The following RASAL1 variants were observed in gnomAD, a reference collection of about 807,000 sequenced individuals.
The protein encoded by RASAL1 is rasGAP-activating-like protein 1.
A neutral mutation model predicts 96.6 loss-of-function variants in RASAL1; 72 were observed. The ratio of observed to expected loss-of-function variants is 0.75; its 90% CI spans 0.62 to 0.91. RASAL1 has a LOEUF of 0.91. RASAL1 is among the 40% of genes least tolerant of loss of function. The probability of loss-of-function intolerance (pLI) is 0.00; values close to 1 mark genes in which losing one functional copy is unlikely to be tolerated. For missense variants in RASAL1, 1,016 were observed against 1,072.5 expected (o/e 0.95, Z 0.74); for synonymous variants, 405 against 430.4 (o/e 0.94, Z 0.73).
At chr12:113,124,105 C>G (rs1018212555) in intron 4 of RASAL1, among the ~76,000 whole-genome samples, 2 of 151,778 alleles carry the variant, frequency 1.3e-5, no homozygotes, top group African/African-American at 4.8e-5. Flanking sequence ...GCAATCCCAG[C>G]TACTCCAGAG....
intron 7 of RASAL1, among the ~76,000 whole-genome samples, chr12:113,117,365 G>A (rs1204070941): frequency 2.0e-5 from 3 of 152,210 alleles, no homozygotes; most frequent in African/African-American, 7.2e-5. Context: ...GCCTACCAGG[G>A]ACACTTAATT....
rs200909206 is a variant in RASAL1 at position 113,121,530 on chromosome 12, C to T, written c.407G>A (p.Arg136His). The change falls in exon 5 of 21, where the codon CGC becomes CAC. Residue 136 changes from arginine to histidine, a missense_variant. Physicochemically the swap from Arg to His is conservative, Grantham distance 29. Transcript: ENST00000548055. The stretch of plus-strand genomic sequence containing the variant: ...ATACCTGGCCTGAAGCACATGGCAG[C>T]GAAGGCAGCGGCCCTGCCCATCCTC... Reference protein sequence around the residue: ...MLEDGQGRCLRCHVLQARDLA... With the variant: ...MLEDGQGRCLHCHVLQARDLA... 256 of 1,614,156 alleles carry T rather than the reference C, an allele frequency of 1.6e-4. No homozygotes were observed. In the Admixed American group the frequency reaches 2.2e-3, roughly 14 times the overall value.
chr12:113,136,579 C>G (rs1951923018), upstream of RASAL1, among the ~76,000 whole-genome samples: 1 of 152,222 alleles, frequency 6.6e-6, no homozygotes, highest in South Asian at 2.1e-4. Flanking sequence ...CTGGCTCTGC[C>G]ATTTGGTAGC....
In RASAL1 at chr12:113,115,180, G is replaced by A. The variant is rs116485092; in HGVS notation, c.1068+20C>T. 46 of 1,604,520 alleles carry A rather than the reference G, an allele frequency of 2.9e-5. No individual in the cohort carries two copies. Among genetic ancestry groups the A allele is most frequent in the Middle Eastern group, 3.4e-4 (2 of 5,882 alleles). Reference sequence around the variant, plus strand: ...ACCCGAGGAAGCTGCGCCTGGTCCCGCAGGCCTTCACCTACTCACCTTCAT... The same window carrying A: ...ACCCGAGGAAGCTGCGCCTGGTCCCACAGGCCTTCACCTACTCACCTTCAT... On this transcript the variant is annotated intron_variant, in intron 11 of 20. Transcript: ENST00000548055. This position sits in a 1 kb window ranked among gnomAD's most constrained non-coding sequence, Gnocchi z 4.1.
intron 18 of RASAL1, chr12:113,103,110 A>G (rs1300038059): frequency 3.8e-5 from 11 of 293,306 alleles, no homozygotes; most frequent in Non-Finnish European, 6.3e-5. Context: ...ATTGTATTAC[A>G]TTGTTATACA....
chr12:113,115,491 C>T lies in RASAL1; in HGVS notation c.1003+144G>A, dbSNP rs947560889. The T allele has an allele frequency of 1.6e-6, 2 of 1,221,474 alleles. No homozygotes were observed. Among genetic ancestry groups the T allele is most frequent in the Non-Finnish European group, 2.3e-6 (2 of 886,268 alleles). The allele number at this position is 1,221,474 out of a possible 1,614,324, so 75.7% of individuals were successfully genotyped here. A position where few individuals can be genotyped will look rare whatever the true frequency, so the allele number is the denominator to read the frequency against. On this transcript the variant is annotated intron_variant, in intron 10 of 20. Transcript: ENST00000548055. The surrounding 1 kb of genome is among the most constrained non-coding windows in gnomAD (Gnocchi z 4.1). ...CCTGAACCTGCAATTGGGCTCCCAA[C>T]TGTCTGGAGGTGCACAGCACAGGGA... is the stretch of plus-strand genomic sequence containing the variant.
At chr12:113,109,443 G>A (rs1467026849) in intron 13 of RASAL1, among the ~76,000 whole-genome samples, 1 of 152,184 alleles carries the variant, frequency 6.6e-6, no homozygotes, top group Non-Finnish European at 1.5e-5. Flanking sequence ...AAACTGTAGA[G>A]TATGGTTCCC....
intron 1 of RASAL1, among the ~76,000 whole-genome samples, chr12:113,133,940 T>G (rs1036839184): frequency 9.2e-5 from 14 of 152,168 alleles, no homozygotes; most frequent in African/African-American, 3.4e-4. Context: ...AGTGTCCAGG[T>G]GCAGGGGTGA....
Position 113,100,638 on chromosome 12 carries a change from C to T in RASAL1, c.2268G>A (p.Glu756=). The T allele has an allele frequency of 6.2e-7, 1 of 1,610,228 alleles. No homozygotes were observed. The highest frequency in any genetic ancestry group is 8.5e-7 in the Non-Finnish European group (1 of 1,177,058). Reference sequence around the variant, plus strand: ...TACAGGAGCCCTTACCTGTGTCTGCCTCCAGAGTTGTATCCATGTTAGAAT... The same window carrying T: ...TACAGGAGCCCTTACCTGTGTCTGCTTCCAGAGTTGTATCCATGTTAGAAT... The part of the protein sequence containing the change: ...LEDSNMDTTL[E]ADTGACPEVL... The change falls in exon 20 of 21, where the codon GAG becomes GAA. Residue 756 remains glutamate, a synonymous_variant. Transcript: ENST00000548055.
In RASAL1 at chr12:113,114,816, C is replaced by A. The variant is rs1592920819; in HGVS notation, c.1165G>T (p.Asp389Tyr). 2 of 1,614,032 alleles carry A rather than the reference C, an allele frequency of 1.2e-6. No individual in the cohort carries two copies. Among genetic ancestry groups the A allele is most frequent in the Non-Finnish European group, 1.7e-6 (2 of 1,179,902 alleles). The part of the protein sequence containing the change: ...KYMELDPCKM[D>Y]LGRTRRISFK... Reference sequence around the variant, plus strand: ...TTTGCTCACCGGGTGCGGCCCAGGTCCATCTTGCAGGGATCCAGCTCCATG... The same window carrying A: ...TTTGCTCACCGGGTGCGGCCCAGGTACATCTTGCAGGGATCCAGCTCCATG... The change falls in exon 12 of 21, where the codon GAC (aspartate) becomes TAC (tyrosine). Residue 389 changes from aspartate (D) to tyrosine (Y), a missense_variant. Transcript: ENST00000548055.
Position 113,135,176 on chromosome 12 carries a change from G to A in RASAL1, c.65+222C>T, listed in dbSNP as rs1282370474. ...CAAAGACACCCCCTCCCCTGCCCGG[G>A]GGTGAGGCGGGGCATCTGCTAACTC... On this transcript the variant is annotated intron_variant, in intron 1 of 20. Transcript: ENST00000548055. The surrounding 1 kb of genome is among the most constrained non-coding windows in gnomAD (Gnocchi z 5.7). 1.3e-5 allele frequency among the ~76,000 whole-genome samples: 2 copies of A among 152,074 alleles called. No homozygotes were observed. The highest frequency in any genetic ancestry group is 1.9e-4 in the East Asian group (1 of 5,174).
rs1950378735 is a variant in RASAL1 at position 113,099,875 on chromosome 12, T to A, written c.*54A>T. Reference sequence around the variant, plus strand: ...AGGAGACTCCCGGGGCAGGATGCGCTGAAGAGGGCCCCCTGGCTCTTGCTC... The same window carrying A: ...AGGAGACTCCCGGGGCAGGATGCGCAGAAGAGGGCCCCCTGGCTCTTGCTC... On this transcript the variant is annotated 3_prime_UTR_variant, in exon 21 of 21. Transcript: ENST00000548055. 1.3e-6 allele frequency: 2 copies of A among 1,570,626 alleles called. No individual in the cohort carries two copies. Among genetic ancestry groups the A allele is most frequent in the South Asian group, 2.3e-5 (2 of 86,438 alleles).
At chr12:113,136,665 T>C (rs1185587823), upstream of RASAL1, among the ~76,000 whole-genome samples, 7 of 152,212 alleles carry the variant, frequency 4.6e-5, no homozygotes, top group Admixed American at 3.3e-4. Context: ...GAGGATGACA[T>C]TGCATTTCAG....
intron 18 of RASAL1, 37 bp from the exon 19 acceptor site, chr12:113,102,046 C>G (rs1950468197): frequency 6.3e-7 from 1 of 1,597,608 alleles, no homozygotes; most frequent in Admixed American, 1.7e-5. Context: ...GTAACTCCCT[C>G]TCCCCTTCCA....
rs1175138789 is a variant in RASAL1 at position 113,129,048 on chromosome 12, A to G, written c.123-870T>C. ...TCATTCGTTTACTCCATAAACATTC[A>G]CTTGGACTATGGGCCCAGCCTGTGC... On this transcript the variant is annotated intron_variant, in intron 2 of 20. Coordinates refer to ENST00000548055, the MANE Select transcript of RASAL1 (RefSeq NM_001301202.2). This position sits in a 1 kb window ranked among gnomAD's most constrained non-coding sequence, Gnocchi z 5.0. Among the ~76,000 whole-genome samples the G allele has an allele frequency of 3.3e-5, 5 of 151,942 alleles. No individual in the cohort carries two copies. Among genetic ancestry groups the G allele is most frequent in the Admixed American group, 2.0e-4 (3 of 15,260 alleles).
chr12:113,135,060 C>G lies in RASAL1; in HGVS notation c.65+338G>C, dbSNP rs1479686883. On this transcript the variant is annotated intron_variant, in intron 1 of 20. Coordinates refer to ENST00000548055, the MANE Select transcript of RASAL1 (RefSeq NM_001301202.2). This position sits in a 1 kb window ranked among gnomAD's most constrained non-coding sequence, Gnocchi z 5.7. ...CATCTGCCTGGACTAAGGAAGAGAC[C>G]CCCCGCTTTCTCCCCTCCCAGATCT... is the stretch of plus-strand genomic sequence containing the variant. Among the ~76,000 whole-genome samples, 1 of 151,824 alleles carries G rather than the reference C, an allele frequency of 6.6e-6. No individual in the cohort carries two copies. Among genetic ancestry groups the G allele is most frequent in the African/African-American group, 2.4e-5 (1 of 41,320 alleles).
intron 13 of RASAL1, among the ~76,000 whole-genome samples, chr12:113,110,672 C>A (rs1471951885): frequency 3.3e-5 from 5 of 152,210 alleles, no homozygotes; most frequent in Non-Finnish European, 7.3e-5. Flanking sequence ...GTAGTCCCAG[C>A]ACTTTGGGAG....
rs1187610773 is a variant in RASAL1 at position 113,105,720 on chromosome 12, C to A, written c.1824G>T (p.Glu608Asp). ...TAGTGGACTGGAACCCCACCTGCCACTCAGGACTCTTGGAGAAGGAGAGGG... is the reference window on the plus strand; with the variant it reads ...TAGTGGACTGGAACCCCACCTGCCAATCAGGACTCTTGGAGAAGGAGAGGG... ...GETLSFSKSP[E>D]WQMCHSIPVS... Residue 608 changes from glutamate to aspartate, a missense_variant, in exon 16 of 21, where the codon GAG becomes GAT. Glu to Asp is a conservative substitution (Grantham distance 45, BLOSUM62 2). Transcript: ENST00000548055. 1 of 1,607,374 alleles carries A rather than the reference C, an allele frequency of 6.2e-7. No individual in the cohort carries two copies. The highest frequency in any genetic ancestry group is 8.5e-7 in the Non-Finnish European group (1 of 1,175,654).
chr12:113,131,821 T>C (rs1951720865), intron 1 of RASAL1, among the ~76,000 whole-genome samples: 1 of 152,134 alleles, frequency 6.6e-6, no homozygotes, highest in Admixed American at 6.5e-5. Context: ...CCTAAGACAC[T>C]TTAGCCCTGA....
Sources: allele counts gnomAD v4.1 joint callset (sites outside exome capture counted in the v4.1 genomes callset), GRCh38; gene constraint gnomAD v4.1.1; non-coding constraint Gnocchi (gnomAD v3.1); transcripts MANE v1.5; gene names NCBI Gene and HGNC (gene_info 2026-07-23, HGNC 2026-07-21).